APBB2: variants seen among roughly 807,000 people sequenced by gnomAD.
APBB2 encodes the protein Fe65-like 1.
In APBB2, 38 loss-of-function variants were observed where a neutral mutation model predicts 82.5. The observed-to-expected ratio is 0.46, with a 90% CI of 0.36 to 0.60. The LOEUF (loss-of-function observed/expected upper bound fraction) is 0.60. APBB2 is among the 20% of genes least tolerant of loss of function. The pLI is 0.00. For missense variants in APBB2, 772 were observed against 972.3 expected (o/e 0.79, Z 2.74); for synonymous variants, 341 against 368.2 (o/e 0.93, Z 0.85).
intron 10 of APBB2, among the ~76,000 whole-genome samples, chr4:40,928,906 G>A (rs1268213673): frequency 6.7e-6 from 1 of 150,076 alleles, no homozygotes; most frequent in Non-Finnish European, 1.5e-5. Flanking sequence ...ATGAATGAAT[G>A]AATGAACGAA....
chr4:40,875,367 T>C (rs567027803), intron 12 of APBB2, among the ~76,000 whole-genome samples: 1 of 152,336 alleles, frequency 6.6e-6, no homozygotes, highest in South Asian at 2.1e-4. Context: ...CTCCTAAGGA[T>C]TACTTACTTC....
At chr4:41,176,365 ATTT>A (rs113468337) in intron 1 of APBB2, among the ~76,000 whole-genome samples, 1 of 151,184 alleles carries the variant, frequency 6.6e-6, no homozygotes, top group Non-Finnish European at 1.5e-5. Flanking sequence ...TAAAGAATGT[ATTT>A]TTTTTTAGCA....
intron 1 of APBB2, among the ~76,000 whole-genome samples, chr4:41,159,605 C>T (rs961945538): frequency 1.3e-5 from 2 of 152,096 alleles, no homozygotes; most frequent in African/African-American, 4.8e-5. Flanking sequence ...AGTATCCTAT[C>T]TTGTTGATAA....
intron 6 of APBB2, among the ~76,000 whole-genome samples, chr4:40,948,889 C>CAAAAA (rs1789234875): frequency 4.1e-5 from 1 of 24,486 alleles, no homozygotes; most frequent in African/African-American, 1.6e-4. Flanking sequence ...GATCCTGTCT[C>CAAAAA]CAAAAAAAAA....
At chr4:41,039,107 A>T (rs928331784) in intron 4 of APBB2, among the ~76,000 whole-genome samples, 2 of 152,262 alleles carry the variant, frequency 1.3e-5, no homozygotes, top group Admixed American at 1.3e-4. Flanking sequence ...ATATATTAAA[A>T]CCATGTTTAG....
intron 1 of APBB2, among the ~76,000 whole-genome samples, chr4:41,195,522 C>T: frequency 2.6e-5 from 4 of 152,172 alleles, no homozygotes; most frequent in African/African-American, 4.8e-5. Flanking sequence ...ACAAGAGCCT[C>T]GCCACAGGTC....
intron 6 of APBB2, among the ~76,000 whole-genome samples, chr4:40,965,781 T>C (rs528335837): frequency 1.3e-5 from 2 of 152,298 alleles, no homozygotes; most frequent in Non-Finnish European, 2.9e-5. Context: ...CAAGAGAGAT[T>C]CTTTTTATAA....
At chr4:40,981,059 A>G (rs1042914625) in intron 6 of APBB2, among the ~76,000 whole-genome samples, 4 of 152,202 alleles carry the variant, frequency 2.6e-5, no homozygotes, top group Non-Finnish European at 5.9e-5. Flanking sequence ...GCAAGCCAAC[A>G]ATCTACCTTG....
At chr4:40,910,012 T>A (rs1431004944) in intron 10 of APBB2, among the ~76,000 whole-genome samples, 1 of 152,182 alleles carries the variant, frequency 6.6e-6, no homozygotes, top group Non-Finnish European at 1.5e-5. Context: ...CAGAGCTAGA[T>A]TTGATCTGAG....
At chr4:40,998,183 A>G (rs753299623) in intron 6 of APBB2, among the ~76,000 whole-genome samples, 1 of 152,252 alleles carries the variant, frequency 6.6e-6, no homozygotes, top group Non-Finnish European at 1.5e-5. Flanking sequence ...TGAGCTTGAC[A>G]GCTTCCCAAT....
At chr4:40,816,527 C>G (rs138782087) in intron 17 of APBB2, among the ~76,000 whole-genome samples, 8 of 152,288 alleles carry the variant, frequency 5.3e-5, no homozygotes, top group Admixed American at 2.6e-4. Context: ...TAGTCCGCAA[C>G]GAATACACCT....
intron 10 of APBB2, among the ~76,000 whole-genome samples, chr4:40,927,696 G>GGTC (rs1782977900): frequency 6.6e-6 from 1 of 152,102 alleles, no homozygotes; most frequent in Admixed American, 6.6e-5. Context: ...TGCCCAGGCT[G>GGTC]GTCTCGAACT....
intron 12 of APBB2, chr4:40,880,415 A>G (rs1768141551): frequency 1.0e-6 from 1 of 985,434 alleles, no homozygotes. Flanking sequence ...TCGTGTATGA[A>G]AAGTGGTGAC....
rs1274698663 is a variant in APBB2 at position 40,832,037 on chromosome 4, CACACACACACACACATAT to C, written c.1530-1478_1530-1461del. Among the ~76,000 whole-genome samples the C allele has an allele frequency of 4.3e-4, 65 of 151,960 alleles. No homozygotes were observed. The highest frequency in any genetic ancestry group is 2.6e-3 in the Admixed American group (39 of 15,240). On this transcript the variant is annotated intron_variant, in intron 12 of 17. Transcript: ENST00000508593. This position sits in a 1 kb window ranked among gnomAD's most constrained non-coding sequence, Gnocchi z 4.8. ...ATACACACACACACACACACACACA[CACACACACACACACATAT>C]ACACCAAGCTTTACCCATCTAGGAA...
At chr4:40,830,424 AAAG>A in intron 13 of APBB2, 36 bp downstream of exon 13, 2 of 1,436,822 alleles carry the variant, frequency 1.4e-6, no homozygotes, top group Non-Finnish European at 2.0e-6. Flanking sequence ...AGCAAGAAAA[AAAG>A]AGAGAGGCGG....
Position 41,080,503 on chromosome 4 carries a change from C to A in APBB2, c.-148-14830G>T, listed in dbSNP as rs544183069. On this transcript the variant is annotated intron_variant, in intron 3 of 17. Transcript: ENST00000508593. ...AAGAAGTAACCTTTTGTTAGCTGTA[C>A]ACAACAAGATCATACAAACCCGATA... Among the ~76,000 whole-genome samples, 5 of 152,168 alleles carry A rather than the reference C, an allele frequency of 3.3e-5. No individual in the cohort carries two copies. In the South Asian group the frequency reaches 1.0e-3, roughly 32 times the overall value.
intron 10 of APBB2, among the ~76,000 whole-genome samples, chr4:40,903,887 A>G (rs550126876): frequency 6.6e-6 from 1 of 152,208 alleles, no homozygotes; most frequent in Non-Finnish European, 1.5e-5. Context: ...TATTCCTGCT[A>G]TATGTGACTA....
Position 40,879,960 on chromosome 4 carries a change from G to A in APBB2, c.1529+10404C>T, listed in dbSNP as rs945106319. ...GCCCGCCTCAGCCTCTCAAAGTGCTGGGATTACAGGCATGAGCCACTGCAC... is the reference window on the plus strand; with the variant it reads ...GCCCGCCTCAGCCTCTCAAAGTGCTAGGATTACAGGCATGAGCCACTGCAC... On this transcript the variant is annotated intron_variant, in intron 12 of 17. Transcript: ENST00000508593. 6.3e-5 allele frequency: 61 copies of A among 966,942 alleles called. No homozygotes were observed. The African/African-American group carries it at 9.9e-4, about 16-fold the overall frequency. The allele number at this position is 966,942 out of a possible 1,614,324, so 59.9% of individuals were successfully genotyped here. A position where few individuals can be genotyped will look rare whatever the true frequency, so the allele number is the denominator to read the frequency against.
chr4:40,980,377 C>A (rs188158501), intron 6 of APBB2, among the ~76,000 whole-genome samples: 90 of 152,290 alleles, frequency 5.9e-4, no homozygotes, highest in African/African-American at 2.0e-3. Context: ...GAAAGGATTC[C>A]CCATCTCCTC....
Sources: allele counts gnomAD v4.1 joint callset (sites outside exome capture counted in the v4.1 genomes callset), GRCh38; gene constraint gnomAD v4.1.1; non-coding constraint Gnocchi (gnomAD v3.1); transcripts MANE v1.5; gene names NCBI Gene and HGNC (gene_info 2026-07-23, HGNC 2026-07-21).